Variants in ESYT1 observed in about 807,000 individuals in gnomAD.
The protein encoded by ESYT1 is extended synaptotagmin 1, also known as extended synaptotagmin-1.
A neutral mutation model predicts 154.2 loss-of-function variants in ESYT1; 116 were observed. The ratio of observed to expected loss-of-function variants is 0.75; its 90% CI spans 0.65 to 0.88. The LOEUF (loss-of-function observed/expected upper bound fraction) is 0.88, where lower values mean the gene tolerates loss of function less well. Among genes scored for constraint, ESYT1 ranks in the 40% least tolerant of loss-of-function variants. The pLI is 0.00. For synonymous variants in ESYT1, 500 were observed against 539.9 expected, an observed-to-expected ratio of 0.93 and a Z score of 1.02; for missense variants, 1,264 against 1,379.3, an observed-to-expected ratio of 0.92 and a Z score of 1.32.
At chr12:56,138,648 C>A in intron 22 of ESYT1, 120 bp from the exon 23 acceptor site, 2 of 1,291,934 alleles carry the variant, frequency 1.5e-6, no homozygotes, top group Non-Finnish European at 2.2e-6. Flanking sequence ...CTGTTCAAGG[C>A]CACGGGTAGT....
rs374996259 is a variant in ESYT1, at chr12:56,137,570, G to A, written c.2010G>A (p.Val670=). ...AAGACCGTTTCTTGGGGGGACTGGT[G>A]AAGGGCAAGTCAGACCCCTATGTCA... ...IAKDRFLGGL[V]KGKSDPYVKL... The change falls in exon 18 of 31, where the codon GTG becomes GTA. Residue 670 remains valine, a synonymous_variant. Transcript: ENST00000394048. 10 of 1,614,078 alleles carry A rather than the reference G, an allele frequency of 6.2e-6. No individual in the cohort carries two copies. The African/African-American group carries it at 1.1e-4, about 17-fold the overall frequency.
At position 56,142,637 on chromosome 12, in the gene ESYT1, C is replaced by G. The variant is rs373325818; in HGVS notation, c.2793C>G (p.Ser931=). The part of the protein sequence containing the change: ...EAHSHSYSHS[S]SSLSEEPELS... ...ATAGCCACAGCTACAGCCACAGCTC[C>G]TCATCGCTGAGTGAAGAACCAGAGC... The change falls in exon 26 of 31, where the codon TCC becomes TCG. Residue 931 remains serine (S), a synonymous_variant. Transcript: ENST00000394048. The surrounding 1 kb of genome is among the most constrained non-coding windows in gnomAD (Gnocchi z 4.1). 3 of 1,614,030 alleles carry G rather than the reference C, an allele frequency of 1.9e-6. No homozygotes were observed. The highest frequency in any genetic ancestry group is 1.3e-5 in the African/African-American group (1 of 74,946).
At chr12:56,141,959 G>A (rs1258093521) in intron 24 of ESYT1, among the ~76,000 whole-genome samples, 3 of 151,946 alleles carry the variant, frequency 2.0e-5, no homozygotes, top group Admixed American at 6.6e-5. Flanking sequence ...TTGGCTGGGC[G>A]TGGTGGCAGG....
intron 24 of ESYT1, among the ~76,000 whole-genome samples, chr12:56,141,566 CT>C (rs1262972609): frequency 6.6e-6 from 1 of 152,130 alleles, no homozygotes; most frequent in Non-Finnish European, 1.5e-5. Context: ...CGGTGAAACC[CT>C]GTCTCTATTA....
At chr12:56,130,508 C>A in intron 1 of ESYT1, 74 bp from the exon 2 acceptor site, 2 of 1,582,628 alleles carry the variant, frequency 1.3e-6, no homozygotes, top group South Asian at 2.2e-5. Context: ...CTGTGGCACA[C>A]CACCAGCATC....
In ESYT1 at chr12:56,130,777, C is replaced by T. The variant is rs1870199862; in HGVS notation, c.433-14C>T. 1 of 1,613,604 alleles carries T rather than the reference C, an allele frequency of 6.2e-7. No individual in the cohort carries two copies. The highest frequency in any genetic ancestry group is 8.5e-7 in the Non-Finnish European group (1 of 1,179,966). ...AGACTGGACTCTCCTCTGACCATCT[C>T]TCTTTCCTCCCAGATTGTGGCCCAG... On this transcript the variant is annotated splice_polypyrimidine_tract_variant and intron_variant, in intron 2 of 30. Transcript: ENST00000394048.
In ESYT1 at chr12:56,136,768, A is replaced by C. The variant is rs140388482; in HGVS notation, c.1657A>C (p.Thr553Pro). The C allele has an allele frequency of 6.2e-6, 10 of 1,610,654 alleles. No homozygotes were observed. Among genetic ancestry groups the C allele is most frequent in the Admixed American group, 5.0e-5 (3 of 59,704 alleles). The change falls in exon 16 of 31, where the codon ACT (threonine) becomes CCT (proline). Residue 553 changes from threonine to proline, a missense_variant. Transcript: ENST00000394048. ...VQVKDDSRALTLGALTLPLAR... is the reference protein window; with the variant it reads ...VQVKDDSRALPLGALTLPLAR... ...GGTGAAGGATGATTCCAGGGCCCTG[A>C]CTTTAGGAGCACTGACGCTGCCTCT...
chr12:56,133,632 A>G lies in ESYT1; in HGVS notation c.1338A>G (p.Leu446=), dbSNP rs759660642. 6.2e-7 allele frequency: 1 copy of G among 1,614,274 alleles called. No homozygotes were observed. The highest frequency in any genetic ancestry group is 8.5e-7 in the Non-Finnish European group (1 of 1,180,046). ...GGCAAGGCCAAGTTCACTTGAGGCT[A>G]GAATGGCTGTCACTTTTGTCAGATG... ...QGGQGQVHLR[L]EWLSLLSDAE... The change falls in exon 12 of 31, where the codon CTA becomes CTG. Residue 446 remains leucine, a synonymous_variant. Coordinates refer to ENST00000394048, the MANE Select transcript of ESYT1 (RefSeq NM_015292.3).
At chr12:56,131,904 G>A in intron 7 of ESYT1, 100 bp downstream of exon 7, 1 of 1,247,320 alleles carries the variant, frequency 8.0e-7, no homozygotes, top group Non-Finnish European at 1.2e-6. Context: ...TCCTCTAGGA[G>A]CCTCAACTTC....
Position 56,143,017 on chromosome 12 carries a change from G to T in ESYT1, c.2988G>T (p.Arg996=), listed in dbSNP as rs754117281. 1.9e-6 allele frequency: 3 copies of T among 1,614,116 alleles called. No individual in the cohort carries two copies. In the East Asian group the frequency reaches 6.7e-5, roughly 36 times the overall value. The change falls in exon 28 of 31, where the codon CGG becomes CGT. Residue 996 remains arginine (R), a splice_region_variant and synonymous_variant. Coordinates refer to ENST00000394048, the MANE Select transcript of ESYT1 (RefSeq NM_015292.3). ...TATCACCTACATCCTCCTGTTGTAG[G>T]TCCCTTCGACAGAATGGACGTGATC... ...RKLVSIVHGC[R]SLRQNGRDPP... is the part of the protein sequence containing the mutation.
In ESYT1 at chr12:56,144,102, C is replaced by A. The variant is rs1870828283; in HGVS notation, c.*240C>A. The A allele has an allele frequency of 1.4e-6, 2 of 1,416,130 alleles. No individual in the cohort carries two copies. The highest frequency in any genetic ancestry group is 1.4e-5 in the African/African-American group (1 of 69,506). The allele number at this position is 1,416,130 out of a possible 1,614,324, so 87.7% of individuals were successfully genotyped here. A position where few individuals can be genotyped will look rare whatever the true frequency, so the allele number is the denominator to read the frequency against. On this transcript the variant is annotated 3_prime_UTR_variant, in exon 31 of 31. Transcript: ENST00000394048. The stretch of plus-strand genomic sequence containing the variant: ...GGGCGGGGACCTGAGCTGGCTGTTT[C>A]CTGCTTTGCCTGCACATTGTTCTCC...
rs1224016276 is a variant in ESYT1 at position 56,137,516 on chromosome 12, T to G, written c.1956T>G (p.His652Gln). The G allele has an allele frequency of 6.2e-7, 1 of 1,613,556 alleles. No individual in the cohort carries two copies. Among genetic ancestry groups the G allele is most frequent in the South Asian group, 1.1e-5 (1 of 91,014 alleles). The stretch of plus-strand genomic sequence containing the variant: ...TTTTGCAGCATGTGCTTCGGATCCA[T>G]GTATTAGAGGCCCAGGACCTGATTG... ...QFGTEHVLRI[H>Q]VLEAQDLIAK... Residue 652 changes from histidine to glutamine, a missense_variant, in exon 18 of 31, where the codon CAT (histidine) becomes CAG (glutamine). Transcript: ENST00000394048.
intron 24 of ESYT1, among the ~76,000 whole-genome samples, chr12:56,139,926 C>T (rs1016936744): frequency 6.6e-6 from 1 of 151,694 alleles, no homozygotes; most frequent in South Asian, 2.1e-4. Context: ...GTCGCCCAGG[C>T]TGGAGTGCCG....
In ESYT1 at chr12:56,137,603, G is replaced by A. The variant is rs778671563; in HGVS notation, c.2043G>A (p.Lys681=). The change falls in exon 18 of 31, where the codon AAG becomes AAA. Residue 681 remains lysine, a synonymous_variant. Transcript: ENST00000394048. ...AGTCAGACCCCTATGTCAAACTAAA[G>A]TTGGCAGGACGAAGCTTCCGGAGCC... ...KGKSDPYVKL[K]LAGRSFRSHV... 1 of 1,614,176 alleles carries A rather than the reference G, an allele frequency of 6.2e-7. No individual in the cohort carries two copies. The highest frequency in any genetic ancestry group is 1.7e-5 in the Admixed American group (1 of 60,020).
At position 56,136,734 on chromosome 12, in the gene ESYT1, G is replaced by A. The variant is rs372700991; in HGVS notation, c.1633-10G>A. The stretch of plus-strand genomic sequence containing the variant: ...TCCCTTCACTACAGTCCTTCCTCCT[G>A]TGCCTGTAGGTGAAGGATGATTCCA... On this transcript the variant is annotated splice_polypyrimidine_tract_variant and intron_variant, in intron 15 of 30. Transcript: ENST00000394048. 38 of 1,592,282 alleles carry A rather than the reference G, an allele frequency of 2.4e-5. No homozygotes were observed. The highest frequency in any genetic ancestry group is 1.7e-4 in the Middle Eastern group (1 of 5,926).
rs1443760803 is a variant in ESYT1 at position 56,134,149 on chromosome 12, C to T, written c.1513C>T (p.Leu505=). Residue 505 remains leucine (L), a synonymous_variant, in exon 14 of 31, where the codon CTG becomes TTG. Coordinates refer to ENST00000394048, the MANE Select transcript of ESYT1 (RefSeq NM_015292.3). ...GNKEPNPMVQ[L]SIQDVTQESK... is the part of the protein sequence containing the mutation. Reference sequence around the variant, plus strand: ...CAAGGAACCCAACCCTATGGTACAACTGTCAATTCAGGATGTGACTCAGGA... The same window carrying T: ...CAAGGAACCCAACCCTATGGTACAATTGTCAATTCAGGATGTGACTCAGGA... The T allele has an allele frequency of 6.8e-6, 11 of 1,614,164 alleles. No individual in the cohort carries two copies. The highest frequency in any genetic ancestry group is 4.0e-5 in the African/African-American group (3 of 75,036).
In ESYT1 at chr12:56,133,892, A is replaced by T; in HGVS notation, c.1473+19A>T. On this transcript the variant is annotated intron_variant, in intron 13 of 30. Coordinates refer to ENST00000394048, the MANE Select transcript of ESYT1 (RefSeq NM_015292.3). The stretch of plus-strand genomic sequence containing the variant: ...TCTTCCTGTGAGTTTGGCTGGGTGA[A>T]CAGGAGCCCTGGATGTAACATTCCC... The T allele has an allele frequency of 1.2e-6, 2 of 1,611,930 alleles. No individual in the cohort carries two copies. The highest frequency in any genetic ancestry group is 1.7e-6 in the Non-Finnish European group (2 of 1,178,144).
At position 56,143,581 on chromosome 12, in the gene ESYT1, T is replaced by C; in HGVS notation, c.3227T>C (p.Val1076Ala). The change falls in exon 30 of 31, where the codon GTG becomes GCG. Residue 1076 changes from valine to alanine, a missense_variant and splice_region_variant. Physicochemically the swap from Val to Ala is moderately conservative, Grantham distance 64. Transcript: ENST00000394048. ...TTCCCCTATCATCTTCCAACACAGG[T>C]GCAGCTGGACCTAGCTGAGACAGAC... is the stretch of plus-strand genomic sequence containing the variant. The part of the protein sequence containing the change: ...MSRERELLGK[V>A]QLDLAETDLS... 1 of 1,614,046 alleles carries C rather than the reference T, an allele frequency of 6.2e-7. No homozygotes were observed. Among genetic ancestry groups the C allele is most frequent in the Non-Finnish European group, 8.5e-7 (1 of 1,180,010 alleles).
At chr12:56,134,757 C>A (rs919159709) in intron 15 of ESYT1, among the ~76,000 whole-genome samples, 18 of 152,052 alleles carry the variant, frequency 1.2e-4, no homozygotes, top group Non-Finnish European at 1.5e-4. Context: ...CACCACCATG[C>A]CCGGCTAATT....
Sources: gnomAD v4.1 joint callset for allele counts (sites outside exome capture counted in the v4.1 genomes callset) on GRCh38, gnomAD v4.1.1 for gene constraint, Gnocchi (gnomAD v3.1) non-coding constraint, MANE v1.5 for transcripts, NCBI Gene and HGNC (gene_info 2026-07-23, HGNC 2026-07-21) for gene names.